DDX6: variants seen among roughly 807,000 people sequenced by gnomAD.
The protein encoded by DDX6 is probable ATP-dependent RNA helicase DDX6.
Under a neutral mutation model 60.6 loss-of-function variants are expected in DDX6, and 7 were observed. The ratio of observed to expected loss-of-function variants is 0.12; its 90% CI spans 0.07 to 0.22. The LOEUF (loss-of-function observed/expected upper bound fraction) is 0.22, where lower values mean the gene tolerates loss of function less well. Ranked by LOEUF, DDX6 falls within the 10% of genes least tolerant of loss-of-function variation. The probability of loss-of-function intolerance (pLI) is 1.00; values close to 1 mark genes in which losing one functional copy is unlikely to be tolerated. For synonymous variants in DDX6, 207 were observed against 201.0 expected, an observed-to-expected ratio of 1.03 and a Z score of -0.25; for missense variants, 270 against 589.9, an observed-to-expected ratio of 0.46 and a Z score of 5.62.
At chr11:118,761,134 CTG>C (rs1861152028) in intron 7 of DDX6, among the ~76,000 whole-genome samples, 2 of 151,812 alleles carry the variant, frequency 1.3e-5, no homozygotes, top group African/African-American at 4.8e-5. Flanking sequence ...GAGCAAGACT[CTG>C]TCTCAAAAAA....
chr11:118,751,691 G>T lies in DDX6; in HGVS notation c.*414C>A, dbSNP rs139459064. On this transcript the variant is annotated 3_prime_UTR_variant, in exon 14 of 14. Transcript: ENST00000534980. ...AATAAGCTCTTCAGGCTTAAAAAAC[G>T]GATGAGGAATCAGGGAGAAGTTGAA... is the stretch of plus-strand genomic sequence containing the variant. 7 of 263,966 alleles carry T rather than the reference G, an allele frequency of 2.7e-5. No individual in the cohort carries two copies. Among genetic ancestry groups the T allele is most frequent in the Non-Finnish European group, 5.2e-5 (7 of 133,624 alleles). 16.4% of individuals were successfully genotyped at this position (263,966 alleles called of 1,614,324 possible). A position where few individuals can be genotyped will look rare whatever the true frequency, so the allele number is the denominator to read the frequency against.
At chr11:118,770,649 G>A (rs1296223477) in intron 4 of DDX6, among the ~76,000 whole-genome samples, 1 of 152,072 alleles carries the variant, frequency 6.6e-6, no homozygotes, top group African/African-American at 2.4e-5. Flanking sequence ...CAGCACTTTG[G>A]GAGGCTGAGG....
At position 118,782,499 on chromosome 11, in the gene DDX6, A is replaced by G. The variant is rs1371723773; in HGVS notation, c.201-1315T>C. Reference sequence around the variant, plus strand: ...AAGTTTTCACTGCAGCTGTTCTTACATAACCAGAGTCCCCAAAACATCTCA... The same window carrying G: ...AAGTTTTCACTGCAGCTGTTCTTACGTAACCAGAGTCCCCAAAACATCTCA... On this transcript the variant is annotated intron_variant, in intron 2 of 13. Coordinates refer to ENST00000534980, the MANE Select transcript of DDX6 (RefSeq NM_004397.6). Among the ~76,000 whole-genome samples, 4 of 152,238 alleles carry G rather than the reference A, an allele frequency of 2.6e-5. No homozygotes were observed. In the South Asian group the frequency reaches 6.2e-4, roughly 24 times the overall value.
intron 4 of DDX6, among the ~76,000 whole-genome samples, chr11:118,771,025 C>T (rs1426907051): frequency 1.3e-5 from 2 of 152,136 alleles, no homozygotes; most frequent in East Asian, 1.9e-4. Flanking sequence ...AAATTTCTTC[C>T]CTCATCACAG....
chr11:118,777,875 C>A, intron 4 of DDX6, among the ~76,000 whole-genome samples: 1 of 119,050 alleles, frequency 8.4e-6, no homozygotes, highest in Admixed American at 1.2e-4. Flanking sequence ...TCTGACAGAG[C>A]TAGACTCCAT....
chr11:118,750,671 A>T lies in DDX6; in HGVS notation c.*1434T>A, dbSNP rs1375278733. On this transcript the variant is annotated 3_prime_UTR_variant, in exon 14 of 14. Coordinates refer to ENST00000534980, the MANE Select transcript of DDX6 (RefSeq NM_004397.6). The stretch of plus-strand genomic sequence containing the variant: ...CTGCTCAATGACACTGCCACTCAAT[A>T]GAATTCCTACACTGCAAGGTAGATT... The T allele has an allele frequency of 6.6e-6, 1 of 152,220 alleles. No individual in the cohort carries two copies. Among genetic ancestry groups the T allele is most frequent in the Non-Finnish European group, 1.5e-5 (1 of 68,042 alleles). The allele number at this position is 152,220 out of a possible 1,614,324, so 9.4% of individuals were successfully genotyped here.
chr11:118,754,640 C>T, intron 13 of DDX6, 65 bp downstream of exon 13: 3 of 1,449,558 alleles, frequency 2.1e-6, no homozygotes, highest in African/African-American at 1.4e-5. Flanking sequence ...AAATTTCCCC[C>T]AGGAAAGAAG....
intron 4 of DDX6, among the ~76,000 whole-genome samples, chr11:118,778,873 A>G (rs782465238): frequency 6.6e-6 from 1 of 152,114 alleles, no homozygotes; most frequent in Non-Finnish European, 1.5e-5. Context: ...CCAAAACGGG[A>G]AATGTACTAT....
upstream of DDX6, chr11:118,791,287 T>A (rs1418172142): frequency 2.6e-5 from 4 of 151,052 alleles, no homozygotes; most frequent in African/African-American, 9.7e-5. Flanking sequence ...CCGCCGCGGC[T>A]ATATTCGCCG....
At chr11:118,753,626 C>T (rs1366235822) in intron 13 of DDX6, among the ~76,000 whole-genome samples, 5 of 152,002 alleles carry the variant, frequency 3.3e-5, no homozygotes, top group Non-Finnish European at 5.9e-5. Flanking sequence ...GTGTGAGCCA[C>T]CGCACCCGGC....
In DDX6 at chr11:118,754,770, T is replaced by A. The variant is rs2137411793; in HGVS notation, c.1394A>T (p.Asp465Val). The change falls in exon 13 of 14, where the codon GAT becomes GTT. Residue 465 changes from aspartate to valine, a missense_variant. By Grantham distance (152) the Asp-to-Val change is radical. This residue lies in a region of DDX6 where 34 missense variants were observed against 59.4 expected (regional missense o/e 0.57). Coordinates refer to ENST00000534980, the MANE Select transcript of DDX6 (RefSeq NM_004397.6). ...TEIKPIPSNI[D>V]KSLYVAEYHS... The stretch of plus-strand genomic sequence containing the variant: ...GTATTCTGCCACATACAGGCTCTTA[T>A]CAATGTTGCTCGGAATAGGTTTAAT... The A allele has an allele frequency of 6.2e-7, 1 of 1,613,852 alleles. No individual in the cohort carries two copies. Among genetic ancestry groups the A allele is most frequent in the Non-Finnish European group, 8.5e-7 (1 of 1,179,852 alleles).
At chr11:118,752,931 TAAA>T (rs571662633) in intron 13 of DDX6, among the ~76,000 whole-genome samples, 421 of 151,690 alleles carry the variant, frequency 2.8e-3, no homozygotes, top group South Asian at 7.5e-3. Context: ...TTAATAAAAA[TAAA>T]AAAAAGATGG....
At position 118,754,456 on chromosome 11, in the gene DDX6, A is replaced by G. The variant is rs570691149; in HGVS notation, c.*7+249T>C. On this transcript the variant is annotated intron_variant, in intron 13 of 13. Transcript: ENST00000534980. ...CATTCTTTTTTGCTTTCATTATTTTAGGACTCTGAATTTAAGTACTGCTAA... is the reference window on the plus strand; with the variant it reads ...CATTCTTTTTTGCTTTCATTATTTTGGGACTCTGAATTTAAGTACTGCTAA... 17 of 393,558 alleles carry G rather than the reference A, an allele frequency of 4.3e-5. No homozygotes were observed. The South Asian group carries it at 7.7e-4, about 18-fold the overall frequency. The allele number at this position is 393,558 out of a possible 1,614,324, so 24.4% of individuals were successfully genotyped here. A position where few individuals can be genotyped will look rare whatever the true frequency, so the allele number is the denominator to read the frequency against.
chr11:118,769,678 C>A (rs61901408), intron 4 of DDX6, among the ~76,000 whole-genome samples: 131,305 of 152,134 alleles, frequency 0.86, 56,862 homozygotes, highest in East Asian at 1. Context: ...AAAGCTTGAT[C>A]GTTGAAAAAT....
chr11:118,786,849 T>C (rs1862090665), intron 1 of DDX6: 1 of 152,324 alleles, frequency 6.6e-6, no homozygotes, highest in African/African-American at 2.4e-5. Context: ...CTGACATCTC[T>C]AAAAGTCAGT....
intron 7 of DDX6, among the ~76,000 whole-genome samples, chr11:118,761,317 T>C (rs1430446317): frequency 6.6e-6 from 1 of 151,696 alleles, no homozygotes; most frequent in African/African-American, 2.4e-5. Context: ...TACCGGGATT[T>C]AGAAAAAACT....
At chr11:118,770,753 G>A (rs1276123226) in intron 4 of DDX6, among the ~76,000 whole-genome samples, 4 of 151,754 alleles carry the variant, frequency 2.6e-5, no homozygotes, top group Admixed American at 1.3e-4. Context: ...GTCATGGTGC[G>A]CACCTGTAGT....
At chr11:118,753,399 G>A (rs1555157935) in intron 13 of DDX6, among the ~76,000 whole-genome samples, 2 of 141,550 alleles carry the variant, frequency 1.4e-5, no homozygotes. Context: ...GAGTGCAGTG[G>A]TGCGGTCTCA....
At chr11:118,774,464 CTTT>C (rs11442846) in intron 4 of DDX6, among the ~76,000 whole-genome samples, 10 of 116,398 alleles carry the variant, frequency 8.6e-5, no homozygotes, top group Non-Finnish European at 1.0e-4. Flanking sequence ...CTCTAACAGT[CTTT>C]TTTTTTTTTT....
Sources: gnomAD v4.1 joint callset for allele counts (sites outside exome capture counted in the v4.1 genomes callset) on GRCh38, gnomAD v4.1.1 for gene constraint, gnomAD v4.1.1 regional missense constraint, MANE v1.5 for transcripts, NCBI Gene and HGNC (gene_info 2026-07-23, HGNC 2026-07-21) for gene names.